PGCKA1: variants seen among roughly 807,000 people sequenced by gnomAD.
PGCKA1 encodes the protein PDCD10 and GCKIII kinases-associated protein 1.
the PGCKA1 span, among the ~76,000 whole-genome samples, chr4:37,525,037 G>A: frequency 2.2e-4 from 33 of 152,260 alleles, no homozygotes; most frequent in Non-Finnish European, 3.7e-4. Context: ...TGTGCAGTCC[G>A]AAGAAACTAA....
chr4:37,544,833 T>C, the PGCKA1 span, among the ~76,000 whole-genome samples: 105 of 150,836 alleles, frequency 7.0e-4, 1 homozygote, highest in African/African-American at 2.2e-3. Context: ...TGCTTGGTTC[T>C]TTTTTGTTTT....
At chr4:37,510,413 T>C in the PGCKA1 span, among the ~76,000 whole-genome samples, 1 of 152,158 alleles carries the variant, frequency 6.6e-6, no homozygotes, top group Non-Finnish European at 1.5e-5. Flanking sequence ...CATATCTGCA[T>C]TAAGGGGCAC....
At chr4:37,582,846 AT>A in the PGCKA1 span, among the ~76,000 whole-genome samples, 17,689 of 152,136 alleles carry the variant, frequency 0.12, 2,785 homozygotes, top group African/African-American at 0.35. Flanking sequence ...AAGACTAAAT[AT>A]CCTGTCCTCC....
the PGCKA1 span, among the ~76,000 whole-genome samples, chr4:37,504,875 T>C: frequency 1.3e-5 from 2 of 152,222 alleles, no homozygotes; most frequent in East Asian, 3.8e-4. Context: ...ATAAGGATAA[T>C]TTGACTTCTT....
the PGCKA1 span, chr4:37,461,192 A>G: frequency 4.5e-3 from 698 of 156,398 alleles, 17 homozygotes; most frequent in Admixed American, 0.034. Flanking sequence ...TGTTGGTACC[A>G]GTACCATGCT....
chr4:37,498,509 C>T, the PGCKA1 span, among the ~76,000 whole-genome samples: 9 of 152,086 alleles, frequency 5.9e-5, no homozygotes, highest in African/African-American at 2.2e-4. Flanking sequence ...TGGTCATTTC[C>T]ATAATATTGA....
the PGCKA1 span, among the ~76,000 whole-genome samples, chr4:37,459,730 T>G: frequency 1.3e-5 from 2 of 151,178 alleles, no homozygotes; most frequent in Non-Finnish European, 2.9e-5. Flanking sequence ...TGCAGAGCCC[T>G]GCACTAAAGG....
At chr4:37,468,802 C>A in the PGCKA1 span, among the ~76,000 whole-genome samples, 33 of 152,220 alleles carry the variant, frequency 2.2e-4, 1 homozygote, top group East Asian at 5.4e-3. Flanking sequence ...AACCAGTTTT[C>A]TTTTCCAATA....
chr4:37,571,897 G>A, the PGCKA1 span, among the ~76,000 whole-genome samples: 22 of 151,968 alleles, frequency 1.4e-4, no homozygotes, highest in Admixed American at 3.3e-4. Flanking sequence ...CTCCCAAAGT[G>A]CTGGGATTAC....
the PGCKA1 span, among the ~76,000 whole-genome samples, chr4:37,555,438 G>T: frequency 6.6e-6 from 1 of 152,158 alleles, no homozygotes; most frequent in Non-Finnish European, 1.5e-5. Flanking sequence ...CCTCCCTACC[G>T]ATTCCTTGCA....
the PGCKA1 span, among the ~76,000 whole-genome samples, chr4:37,514,333 A>T: frequency 1.3e-5 from 2 of 152,226 alleles, no homozygotes; most frequent in Admixed American, 6.5e-5. Context: ...ATATTTCAAC[A>T]TGAGTTTTGG....
At chr4:37,568,360 T>C in the PGCKA1 span, among the ~76,000 whole-genome samples, 2 of 152,232 alleles carry the variant, frequency 1.3e-5, no homozygotes, top group African/African-American at 4.8e-5. Context: ...ACCAGTGCTC[T>C]GAAAACCACT....
chr4:37,547,222 G>A, the PGCKA1 span, among the ~76,000 whole-genome samples: 5 of 152,322 alleles, frequency 3.3e-5, no homozygotes, highest in African/African-American at 7.2e-5. Context: ...GATCACCCAC[G>A]GTGTGCCTCT....
chr4:37,548,021 AAG>A, the PGCKA1 span, among the ~76,000 whole-genome samples: 1 of 141,878 alleles, frequency 7.0e-6, no homozygotes, highest in Non-Finnish European at 1.6e-5. Flanking sequence ...AGGAAAAAAA[AAG>A]GGGGGGAGGC....
the PGCKA1 span, among the ~76,000 whole-genome samples, chr4:37,480,355 T>G: frequency 6.6e-6 from 1 of 152,170 alleles, no homozygotes. Context: ...TAGCCGGGTA[T>G]GCTGGCACGT....
the PGCKA1 span, among the ~76,000 whole-genome samples, chr4:37,483,650 C>T: frequency 1.3e-5 from 2 of 152,206 alleles, no homozygotes; most frequent in Non-Finnish European, 2.9e-5. Flanking sequence ...CACCCCTATA[C>T]GCAGATATCA....
At chr4:37,546,500 C>A in the PGCKA1 span, among the ~76,000 whole-genome samples, 1 of 152,244 alleles carries the variant, frequency 6.6e-6, no homozygotes, top group East Asian at 1.9e-4. Flanking sequence ...TCAATCACGA[C>A]CCTTTCACGT....
At chr4:37,460,507 T>C in the PGCKA1 span, 9 of 448,792 alleles carry the variant, frequency 2.0e-5, no homozygotes, top group Middle Eastern at 3.6e-4. Context: ...CTACTGTTTC[T>C]TGACTTTTTA....
the PGCKA1 span, among the ~76,000 whole-genome samples, chr4:37,561,515 CAT>C: frequency 6.6e-6 from 1 of 152,004 alleles, no homozygotes; most frequent in Non-Finnish European, 1.5e-5. Flanking sequence ...AGGAGCAAAA[CAT>C]AAATTTTAAA....
Sources: allele counts gnomAD v4.1 joint callset (sites outside exome capture counted in the v4.1 genomes callset), GRCh38; gene constraint gnomAD v4.1.1; transcripts MANE v1.5; gene names NCBI Gene and HGNC (gene_info 2026-07-23, HGNC 2026-07-21).